The following PPP1R17 variants were observed in gnomAD, a reference collection of about 807,000 sequenced individuals.
PPP1R17 encodes the protein protein phosphatase 1 regulatory subunit 17.
In PPP1R17, 12 loss-of-function variants were observed where a neutral mutation model predicts 15.9. The observed-to-expected ratio is 0.75, with a 90% confidence interval of 0.48 to 1.22. PPP1R17 has a LOEUF of 1.22. Among genes scored for constraint, PPP1R17 ranks in the 50% most tolerant of loss-of-function variants. The pLI is 0.00. For missense variants in PPP1R17, 211 were observed against 187.3 expected, an observed-to-expected ratio of 1.13 and a Z score of -0.74; for synonymous variants, 63 against 64.5, an observed-to-expected ratio of 0.98 and a Z score of 0.11.
At chr7:31,704,158 G>C (rs1395160597) in intron 4 of PPP1R17, among the ~76,000 whole-genome samples, 1 of 152,188 alleles carries the variant, frequency 6.6e-6, no homozygotes, top group Non-Finnish European at 1.5e-5. Context: ...GGACATCGAA[G>C]ATCAAAATCC....
intron 4 of PPP1R17, among the ~76,000 whole-genome samples, chr7:31,705,350 G>A (rs1049675513): frequency 6.6e-6 from 1 of 152,152 alleles, no homozygotes; most frequent in Non-Finnish European, 1.5e-5. Context: ...GAGATATCAA[G>A]CAAGGATGGA....
intron 4 of PPP1R17, among the ~76,000 whole-genome samples, chr7:31,702,207 A>ATT (rs34824281): frequency 0.15 from 21,609 of 141,846 alleles, 1,702 homozygotes; most frequent in East Asian, 0.37. Flanking sequence ...ACCCTTATTT[A>ATT]TTTTTTTTTT....
intron 1 of PPP1R17, among the ~76,000 whole-genome samples, chr7:31,691,985 C>T (rs927345889): frequency 2.6e-5 from 4 of 152,100 alleles, no homozygotes; most frequent in Non-Finnish European, 5.9e-5. Context: ...ATTTTCTGAG[C>T]CTCTGTCTCC....
At position 31,707,533 on chromosome 7, in the gene PPP1R17, T is replaced by C. The variant is rs1330606615; in HGVS notation, c.*250T>C. On this transcript the variant is annotated 3_prime_UTR_variant, in exon 5 of 5. Transcript: ENST00000342032. The stretch of plus-strand genomic sequence containing the variant: ...AATGCAGTGGAAAAGAAACAGATCA[T>C]CCTAAATGAGGAGGTAACAGGGAAA... 6.7e-6 allele frequency: 3 copies of C among 447,964 alleles called. No individual in the cohort carries two copies. The East Asian group carries it at 1.2e-4, about 17-fold the overall frequency. The allele number at this position is 447,964 out of a possible 1,614,324, so 27.7% of individuals were successfully genotyped here.
At chr7:31,701,512 T>G (rs1287604325) in intron 4 of PPP1R17, among the ~76,000 whole-genome samples, 1 of 152,218 alleles carries the variant, frequency 6.6e-6, no homozygotes, top group Non-Finnish European at 1.5e-5. Flanking sequence ...ACAAAGGGTT[T>G]AGAATATTAT....
chr7:31,696,991 A>G lies in PPP1R17; in HGVS notation c.262A>G (p.Arg88Gly). Residue 88 changes from arginine (R) to glycine (G), a missense_variant, in exon 4 of 5, where the codon AGA (arginine) becomes GGA (glycine). Coordinates refer to ENST00000342032, the MANE Select transcript of PPP1R17 (RefSeq NM_006658.5). Reference protein sequence around the residue: ...PGVFSEHLIKRYDVQERHPKG... With the variant: ...PGVFSEHLIKGYDVQERHPKG... Reference sequence around the variant, plus strand: ...TGTGTTTTCAGAACATTTAATTAAAAGATACGATGTTCAAGAGAGACATCC... The same window carrying G: ...TGTGTTTTCAGAACATTTAATTAAAGGATACGATGTTCAAGAGAGACATCC... The G allele has an allele frequency of 6.2e-7, 1 of 1,614,136 alleles. No homozygotes were observed. The highest frequency in any genetic ancestry group is 8.5e-7 in the Non-Finnish European group (1 of 1,180,000).
At chr7:31,695,692 A>G (rs1247409162) in intron 3 of PPP1R17, 71 bp downstream of exon 3, 1 of 1,451,614 alleles carries the variant, frequency 6.9e-7, no homozygotes, top group Non-Finnish European at 9.3e-7. Flanking sequence ...GTTCGTACAC[A>G]TTTTTCCTTA....
At chr7:31,687,758 TA>T (rs1353973280) in intron 1 of PPP1R17, among the ~76,000 whole-genome samples, 2 of 152,172 alleles carry the variant, frequency 1.3e-5, no homozygotes, top group Admixed American at 1.3e-4. Flanking sequence ...ATCCTCTGGT[TA>T]AAAAGAGGTT....
At chr7:31,702,207 A>AT (rs34824281) in intron 4 of PPP1R17, among the ~76,000 whole-genome samples, 10,932 of 141,896 alleles carry the variant, frequency 0.077, 427 homozygotes, top group Non-Finnish European at 0.095. Flanking sequence ...ACCCTTATTT[A>AT]TTTTTTTTTT....
intron 1 of PPP1R17, among the ~76,000 whole-genome samples, chr7:31,689,672 C>T (rs1792257059): frequency 1.3e-5 from 2 of 152,128 alleles, no homozygotes; most frequent in South Asian, 2.1e-4. Flanking sequence ...ATTATACTAA[C>T]AGGCTATGAA....
In PPP1R17 at chr7:31,700,532, T is replaced by C. The variant is rs115878780; in HGVS notation, c.388+3415T>C. Among the ~76,000 whole-genome samples the C allele has an allele frequency of 6.5e-3, 997 of 152,272 alleles. 9 individuals are homozygous for C. Among genetic ancestry groups the C allele is most frequent in the African/African-American group, 0.023 (950 of 41,556 alleles). ...CTGATGTAGAAACTGCAGGAAGTGA[T>C]CCAGAAAATCTAGCTAAGATAATTG... On this transcript the variant is annotated intron_variant, in intron 4 of 4. Transcript: ENST00000342032.
In PPP1R17 at chr7:31,705,986, A is replaced by ATTTTT. The variant is rs550189867; in HGVS notation, c.389-1186_389-1182dup. Among the ~76,000 whole-genome samples, 30 of 52,512 alleles carry ATTTTT rather than the reference A, an allele frequency of 5.7e-4. 10 individuals carry two copies. Among genetic ancestry groups the ATTTTT allele is most frequent in the Non-Finnish European group, 5.3e-4 (15 of 28,278 alleles). The allele number at this position is 52,512 out of a possible 152,430, so 34.4% of individuals were successfully genotyped here. ...GACTTCTGAATTTCACAGACCAGTA[A>ATTTTT]TTTTTTTTTTTTTTTTTTTTTTTTT... On this transcript the variant is annotated intron_variant, in intron 4 of 4. Transcript: ENST00000342032.
chr7:31,692,464 A>G lies in PPP1R17; in HGVS notation c.23A>G (p.Gln8Arg), dbSNP rs371948999. 101 of 1,611,618 alleles carry G rather than the reference A, an allele frequency of 6.3e-5. No individual in the cohort carries two copies. Among genetic ancestry groups the G allele is most frequent in the Non-Finnish European group, 8.5e-5 (100 of 1,177,736 alleles). Residue 8 changes from glutamine (Q) to arginine (R), a missense_variant, in exon 2 of 5, where the codon CAG (glutamine) becomes CGG (arginine). Transcript: ENST00000342032. Reference protein sequence around the residue: MMSTEQMQPLELSEDRLD... With the variant: MMSTEQMRPLELSEDRLD... ...TTGATGATGTCCACTGAGCAAATGC[A>G]GCCACTGGAACTCTCAGAAGACAGA...
intron 1 of PPP1R17, among the ~76,000 whole-genome samples, chr7:31,687,921 A>G (rs1313853888): frequency 6.6e-6 from 1 of 152,252 alleles, no homozygotes; most frequent in African/African-American, 2.4e-5. Context: ...ATGGTAAGCT[A>G]AGTGTCAACT....
intron 1 of PPP1R17, among the ~76,000 whole-genome samples, chr7:31,688,709 G>T (rs942070440): frequency 2.6e-5 from 4 of 152,196 alleles, no homozygotes; most frequent in African/African-American, 9.7e-5. Flanking sequence ...CTTGTGAAAA[G>T]GAAGGTAAGG....
At chr7:31,692,215 G>T (rs997816821) in intron 1 of PPP1R17, among the ~76,000 whole-genome samples, 191 bp from the exon 2 acceptor site, 1 of 152,014 alleles carries the variant, frequency 6.6e-6, no homozygotes, top group African/African-American at 2.4e-5. Context: ...AGGGTGGGAG[G>T]GTTCATTTTA....
chr7:31,691,950 A>G (rs978772794), intron 1 of PPP1R17, among the ~76,000 whole-genome samples: 112 of 152,316 alleles, frequency 7.4e-4, no homozygotes, highest in African/African-American at 2.4e-3. Flanking sequence ...TGGCTATTTA[A>G]TAGATGTGTG....
chr7:31,703,008 C>T (rs1042247098), intron 4 of PPP1R17, among the ~76,000 whole-genome samples: 2 of 152,222 alleles, frequency 1.3e-5, no homozygotes, highest in African/African-American at 4.8e-5. Context: ...ATCCCTGGTT[C>T]TGCTCCATAC....
intron 4 of PPP1R17, among the ~76,000 whole-genome samples, chr7:31,702,430 G>A (rs145246216): frequency 2.0e-5 from 3 of 152,204 alleles, no homozygotes; most frequent in African/African-American, 7.2e-5. Flanking sequence ...TCCTACCTAG[G>A]TTAATCCTCT....
Sources: gnomAD v4.1 joint callset for allele counts (sites outside exome capture counted in the v4.1 genomes callset) on GRCh38, gnomAD v4.1.1 for gene constraint, MANE v1.5 for transcripts, NCBI Gene and HGNC (gene_info 2026-07-23, HGNC 2026-07-21) for gene names.